STAMBP: variants seen among roughly 807,000 people sequenced by gnomAD.
STAMBP encodes STAM binding protein, also known as STAM-binding protein.
Under a neutral mutation model 50.7 loss-of-function variants are expected in STAMBP, and 31 were observed. The observed-to-expected ratio is 0.61, with a 90% CI of 0.46 to 0.83. The LOEUF is 0.83. STAMBP is among the 40% of genes least tolerant of loss of function. The pLI is 0.00. For missense variants in STAMBP, 472 were observed against 518.9 expected, an observed-to-expected ratio of 0.91 and a Z score of 0.88; for synonymous variants, 211 against 192.4, an observed-to-expected ratio of 1.10 and a Z score of -0.80.
chr2:73,836,074 C>A (rs904859489), intron 2 of STAMBP, among the ~76,000 whole-genome samples: 5 of 151,968 alleles, frequency 3.3e-5, no homozygotes, highest in Non-Finnish European at 7.4e-5. Context: ...TCTAAAAATA[C>A]GCCTTTAGAG....
At chr2:73,868,438 T>G (rs1298861815), downstream of STAMBP, among the ~76,000 whole-genome samples, 1 of 152,056 alleles carries the variant, frequency 6.6e-6, no homozygotes, top group Non-Finnish European at 1.5e-5. Flanking sequence ...GTCCCTAGAA[T>G]GTAATGGTGA....
intron 1 of STAMBP, among the ~76,000 whole-genome samples, chr2:73,830,306 C>G (rs1450006696): frequency 6.6e-6 from 1 of 152,186 alleles, no homozygotes; most frequent in Non-Finnish European, 1.5e-5. Flanking sequence ...GACCAGTTCC[C>G]CTAACTCACC....
At chr2:73,855,512 C>T in intron 7 of STAMBP, 1 of 432,712 alleles carries the variant, frequency 2.3e-6, no homozygotes, top group Non-Finnish European at 4.6e-6. Context: ...ATCTTTCTGG[C>T]TACCCACGTT....
intron 9 of STAMBP, chr2:73,860,639 G>A: frequency 2.6e-6 from 2 of 776,430 alleles, no homozygotes; most frequent in South Asian, 5.8e-5. Flanking sequence ...GGGGCTTTAC[G>A]ACCTTCCTAC....
At chr2:73,870,057 C>T (rs970812403), downstream of STAMBP, 1 of 152,174 alleles carries the variant, frequency 6.6e-6, no homozygotes, top group Non-Finnish European at 1.5e-5. Context: ...TCCCCCATAT[C>T]CTTTTTCGAA....
At chr2:73,845,084 G>A in intron 3 of STAMBP, 83 bp from the exon 4 acceptor site, 3 of 1,580,486 alleles carry the variant, frequency 1.9e-6, no homozygotes, top group Non-Finnish European at 2.6e-6. Context: ...AAATGTTGCA[G>A]TCACCAACTT....
intron 1 of STAMBP, 88 bp from the exon 2 acceptor site, chr2:73,830,757 C>A (rs1021195773): frequency 7.2e-6 from 7 of 966,658 alleles, no homozygotes; most frequent in Non-Finnish European, 6.1e-6. Flanking sequence ...ATATTTTCTT[C>A]TTAAGGTAGA....
intron 2 of STAMBP, among the ~76,000 whole-genome samples, chr2:73,841,465 A>G (rs1675385479): frequency 6.6e-6 from 1 of 152,222 alleles, no homozygotes; most frequent in Non-Finnish European, 1.5e-5. Flanking sequence ...TGTCACAGCA[A>G]GCCTGTCAGG....
At position 73,867,046 on chromosome 2, in the gene STAMBP, T is replaced by G. The variant is rs1329313485; in HGVS notation, c.*4787T>G. 6.6e-6 allele frequency: 1 copy of G among 152,244 alleles called. No individual in the cohort carries two copies. The highest frequency in any genetic ancestry group is 1.5e-5 in the Non-Finnish European group (1 of 68,056). The allele number at this position is 152,244 out of a possible 1,614,324, so 9.4% of individuals were successfully genotyped here. On this transcript the variant is annotated 3_prime_UTR_variant, in exon 10 of 10. Coordinates refer to ENST00000394070, the MANE Select transcript of STAMBP (RefSeq NM_213622.4). ...ATCATCCTGTTTGTTTATTGCTAGCTTATGTGTCTAAAGTATACTCCTTGA... is the reference window on the plus strand; with the variant it reads ...ATCATCCTGTTTGTTTATTGCTAGCGTATGTGTCTAAAGTATACTCCTTGA...
intron 7 of STAMBP, among the ~76,000 whole-genome samples, chr2:73,852,026 A>G (rs982015477): frequency 9.9e-5 from 15 of 152,202 alleles, no homozygotes; most frequent in Non-Finnish European, 1.5e-5. Context: ...TAGTAAGTGG[A>G]AAATTCCTAA....
At chr2:73,854,675 T>C (rs1328962139) in intron 7 of STAMBP, among the ~76,000 whole-genome samples, 1 of 152,044 alleles carries the variant, frequency 6.6e-6, no homozygotes, top group Admixed American at 6.6e-5. Flanking sequence ...TTCTGCACCA[T>C]TCCTTCCTAA....
chr2:73,834,225 AAAAAAAAAAAAATATATATATATAT>A (rs1303246452), intron 2 of STAMBP, among the ~76,000 whole-genome samples: 374 of 24,654 alleles, frequency 0.015, 24 homozygotes, highest in African/African-American at 0.044. Context: ...AAAAAAAAAA[AAAAAAAAAAAAATATATATATATAT>A]ATATATATAT....
chr2:73,857,113 C>G (rs1245199268), intron 7 of STAMBP, among the ~76,000 whole-genome samples: 1 of 152,234 alleles, frequency 6.6e-6, no homozygotes. Context: ...TTTTCTCCCA[C>G]TTTGCAGTGG....
At chr2:73,853,881 A>G (rs1034682413) in intron 7 of STAMBP, among the ~76,000 whole-genome samples, 1 of 152,156 alleles carries the variant, frequency 6.6e-6, no homozygotes, top group Non-Finnish European at 1.5e-5. Context: ...TCACCACTTC[A>G]ATGTGTATCT....
intron 2 of STAMBP, among the ~76,000 whole-genome samples, chr2:73,843,192 T>TG (rs1219321021): frequency 1.9e-5 from 1 of 52,376 alleles, no homozygotes; most frequent in Admixed American, 1.9e-4. Context: ...TATATCTTTC[T>TG]TTTTTTTTTT....
downstream of STAMBP, among the ~76,000 whole-genome samples, chr2:73,870,554 G>C (rs1679161613): frequency 6.6e-6 from 1 of 152,040 alleles, no homozygotes; most frequent in Admixed American, 6.5e-5. Flanking sequence ...CTTTTTTTCT[G>C]GACTTGCGTT....
intron 4 of STAMBP, among the ~76,000 whole-genome samples, chr2:73,846,525 C>T (rs1479033201): frequency 6.6e-6 from 1 of 151,542 alleles, no homozygotes; most frequent in African/African-American, 2.4e-5. Flanking sequence ...ACTCGGGAGG[C>T]TGAGATGGGA....
intron 9 of STAMBP, among the ~76,000 whole-genome samples, chr2:73,861,157 A>G (rs1678278120): frequency 6.6e-6 from 1 of 152,246 alleles, no homozygotes; most frequent in South Asian, 2.1e-4. Flanking sequence ...CCCCTGTTGC[A>G]TGCCAAAAGG....
At chr2:73,849,982 G>A (rs992032750) in intron 6 of STAMBP, among the ~76,000 whole-genome samples, 6 of 152,154 alleles carry the variant, frequency 3.9e-5, no homozygotes, top group African/African-American at 1.4e-4. Flanking sequence ...AATAAATGAA[G>A]TAGAGTAAAT....
Sources: gnomAD v4.1 joint callset for allele counts (sites outside exome capture counted in the v4.1 genomes callset) on GRCh38, gnomAD v4.1.1 for gene constraint, MANE v1.5 for transcripts, NCBI Gene and HGNC (gene_info 2026-07-23, HGNC 2026-07-21) for gene names.